Variants in FAT2 observed in about 807,000 individuals in gnomAD.
The protein encoded by FAT2 is FAT atypical cadherin 2.
Under a neutral mutation model 295.3 loss-of-function variants are expected in FAT2, and 150 were observed. The ratio of observed to expected loss-of-function variants is 0.51; its 90% CI spans 0.44 to 0.58. The LOEUF is 0.58. FAT2 is among the 20% of genes least tolerant of loss of function. FAT2 has a pLI of 0.00. For missense variants in FAT2, 4,868 were observed against 5,442.7 expected (o/e 0.89, Z 3.32); for synonymous variants, 2,026 against 2,150.3 (o/e 0.94, Z 1.60).
In FAT2 at chr5:151,505,783, G is replaced by C. The variant is rs756083474; in HGVS notation, c.12832C>G (p.His4278Asp). 1.2e-6 allele frequency: 2 copies of C among 1,613,950 alleles called. No individual in the cohort carries two copies. Among genetic ancestry groups the C allele is most frequent in the Admixed American group, 1.7e-5 (1 of 60,004 alleles). ...CCCCCTCCCTGCCGGAACTGCGAGT[G>C]GTAGTAGCTGATGGCCGTGTACTCA... is the stretch of plus-strand genomic sequence containing the variant. ...LNEYTAISYYHSQFRQGGGGP... is the reference protein window; with the variant it reads ...LNEYTAISYYDSQFRQGGGGP... Residue 4278 changes from histidine (H) to aspartate (D), a missense_variant, in exon 24 of 24, where the codon CAC becomes GAC. Physicochemically the swap from His to Asp is moderately conservative, Grantham distance 81 (BLOSUM62 -1). Transcript: ENST00000261800.
intron 18 of FAT2, among the ~76,000 whole-genome samples, 194 bp downstream of exon 18, chr5:151,525,574 C>G (rs1753898388): frequency 6.6e-6 from 1 of 152,242 alleles, no homozygotes; most frequent in Non-Finnish European, 1.5e-5. Context: ...GTTTCCTCAT[C>G]TGTAAAGCGG....
rs1756503700 is a variant in FAT2, at chr5:151,545,187, G to A, written c.5940C>T (p.Asn1980=). The change falls in exon 10 of 24, where the codon AAC becomes AAT. Residue 1980 remains asparagine (N), a synonymous_variant. Coordinates refer to ENST00000261800, the MANE Select transcript of FAT2 (RefSeq NM_001447.3). ...TCACCAGTGCCTTTCTGTCCTGCAA[G>A]TTCTCCTTCACAGCTGCCCAGTAGA... ...QDVYWAAVKE[N]LQDRKALVIL... 3 of 1,614,074 alleles carry A rather than the reference G, an allele frequency of 1.9e-6. No homozygotes were observed. Among genetic ancestry groups the A allele is most frequent in the Non-Finnish European group, 1.7e-6 (2 of 1,180,032 alleles).
At position 151,534,554 on chromosome 5, in the gene FAT2, C is replaced by CGATAGGT. The variant is rs1561838470; in HGVS notation, c.9281_9282insACCTATC (p.Cys3095ProfsTer16). Reference sequence around the variant, plus strand: ...CATGGAGGGTGATGTCTGCCTGGCACGATCGGCCACCTCCATCCGTCGCCT... The same window carrying CGATAGGT: ...CATGGAGGGTGATGTCTGCCTGGCACGATAGGTGATCGGCCACCTCCATCCGTCGCCT... On this transcript the variant is annotated frameshift_variant, in exon 13 of 24. Coordinates refer to ENST00000261800, the MANE Select transcript of FAT2 (RefSeq NM_001447.3). LOFTEE classifies it high-confidence loss of function. 6.2e-7 allele frequency: 1 copy of CGATAGGT among 1,614,088 alleles called. No individual in the cohort carries two copies.
chr5:151,518,348 C>CTAATAATAATAA (rs3056491), intron 19 of FAT2, among the ~76,000 whole-genome samples: 5,549 of 101,438 alleles, frequency 0.055, 347 homozygotes, highest in African/African-American at 0.15. Context: ...GACCATGTCT[C>CTAATAATAATAA]TAATAATAAT....
intron 22 of FAT2, 55 bp from the exon 23 acceptor site, chr5:151,507,666 C>G (rs1274144066): frequency 6.8e-6 from 10 of 1,479,466 alleles, no homozygotes. Flanking sequence ...TTTCCATGTC[C>G]CCTCTTACAG....
intron 2 of FAT2, among the ~76,000 whole-genome samples, chr5:151,564,307 C>T (rs1017554194): frequency 3.9e-5 from 6 of 152,224 alleles, no homozygotes; most frequent in Non-Finnish European, 7.3e-5. Flanking sequence ...ATAACAGAGA[C>T]GACCGCTGGG....
At position 151,531,622 on chromosome 5, in the gene FAT2, T is replaced by C. The variant is rs2127591105; in HGVS notation, c.9776A>G (p.Asn3259Ser). Reference protein sequence around the residue: ...EKTGYRVVSGNEQGRFRLDAR... With the variant: ...EKTGYRVVSGSEQGRFRLDAR... ...ATCCAGGCGGAACCTGCCTTGCTCG[T>C]TCCCGCTGACCACGCGGTAGCCGGT... The change falls in exon 14 of 24, where the codon AAC (asparagine) becomes AGC (serine). Residue 3259 changes from asparagine (N) to serine (S), a missense_variant. Asn to Ser is a conservative substitution (Grantham distance 46). Coordinates refer to ENST00000261800, the MANE Select transcript of FAT2 (RefSeq NM_001447.3). This position sits in a 1 kb window ranked among gnomAD's most constrained non-coding sequence, Gnocchi z 5.7. 2 of 1,613,196 alleles carry C rather than the reference T, an allele frequency of 1.2e-6. No individual in the cohort carries two copies. The highest frequency in any genetic ancestry group is 2.2e-5 in the South Asian group (2 of 91,032).
chr5:151,505,428 T>G lies in FAT2; in HGVS notation c.*137A>C, dbSNP rs1169799357. The G allele has an allele frequency of 1.9e-6, 2 of 1,057,730 alleles. No homozygotes were observed. Among genetic ancestry groups the G allele is most frequent in the East Asian group, 2.6e-5 (1 of 38,778 alleles). 65.5% of individuals were successfully genotyped at this position (1,057,730 alleles called of 1,614,324 possible). On this transcript the variant is annotated 3_prime_UTR_variant, in exon 24 of 24. Coordinates refer to ENST00000261800, the MANE Select transcript of FAT2 (RefSeq NM_001447.3). ...TAGGTGGGGGATTGGAAGAGCACATTTCAAGGGACAACAGCCTGGGCTGAG... is the reference window on the plus strand; with the variant it reads ...TAGGTGGGGGATTGGAAGAGCACATGTCAAGGGACAACAGCCTGGGCTGAG...
At chr5:151,526,035 G>A in intron 17 of FAT2, 70 bp from the exon 18 acceptor site, 2 of 1,472,612 alleles carry the variant, frequency 1.4e-6, no homozygotes, top group South Asian at 1.2e-5. Context: ...CACGTGTCTG[G>A]GTATGTCATC....
chr5:151,530,960 A>G (rs773515945), intron 14 of FAT2, among the ~76,000 whole-genome samples: 1 of 152,182 alleles, frequency 6.6e-6, no homozygotes, highest in Non-Finnish European at 1.5e-5. Flanking sequence ...TTGGGGAGGT[A>G]GAGAGCACCA....
rs1397460454 is a variant in FAT2, at chr5:151,531,276, G to A, written c.9811+311C>T. Among the ~76,000 whole-genome samples, 3 of 152,188 alleles carry A rather than the reference G, an allele frequency of 2.0e-5. No individual in the cohort carries two copies. Among genetic ancestry groups the A allele is most frequent in the Admixed American group, 2.0e-4 (3 of 15,288 alleles). On this transcript the variant is annotated intron_variant, in intron 14 of 23. Coordinates refer to ENST00000261800, the MANE Select transcript of FAT2 (RefSeq NM_001447.3). This position sits in a 1 kb window ranked among gnomAD's most constrained non-coding sequence, Gnocchi z 5.7. Reference sequence around the variant, plus strand: ...CAGCCAAGCCGTTTCTGCCTCCTGCGCTGGGCCTGAGCTGAGACCATGAAG... The same window carrying A: ...CAGCCAAGCCGTTTCTGCCTCCTGCACTGGGCCTGAGCTGAGACCATGAAG...
chr5:151,547,392 A>G (rs921992061), intron 9 of FAT2, among the ~76,000 whole-genome samples: 1 of 152,202 alleles, frequency 6.6e-6, no homozygotes, highest in African/African-American at 2.4e-5. Context: ...CATGCCCAAT[A>G]ATCTTTTAAT....
In FAT2 at chr5:151,521,485, A is replaced by G. The variant is rs75318164; in HGVS notation, c.11108T>C (p.Ile3703Thr). Reference sequence around the variant, plus strand: ...CTCCATCTCCTTGGCTGAGTGAGTGATGATGGATGCTAGCTCCTGAAACTC... The same window carrying G: ...CTCCATCTCCTTGGCTGAGTGAGTGGTGATGGATGCTAGCTCCTGAAACTC... ...FYEFQELASIITHSAKEMEHS... is the reference protein window; with the variant it reads ...FYEFQELASITTHSAKEMEHS... The change falls in exon 19 of 24, where the codon ATC (isoleucine) becomes ACC (threonine). Residue 3703 changes from isoleucine (I) to threonine (T), a missense_variant. Transcript: ENST00000261800. 6.2e-7 allele frequency: 1 copy of G among 1,614,238 alleles called. No individual in the cohort carries two copies. The highest frequency in any genetic ancestry group is 8.5e-7 in the Non-Finnish European group (1 of 1,180,042).
chr5:151,552,400 G>T (rs925181656), intron 6 of FAT2, among the ~76,000 whole-genome samples: 4 of 152,196 alleles, frequency 2.6e-5, no homozygotes, highest in African/African-American at 9.7e-5. Flanking sequence ...GAGGTTCAAA[G>T]AGCTTGGGTC....
In FAT2 at chr5:151,572,637, G is replaced by GA. The variant is rs376966631; in HGVS notation, c.-20-3687dup. ...ATTCATATTCATAGGGTTTTATGGAGACTACATAAGATCGTGCACGTTAAT... is the reference window on the plus strand; with the variant it reads ...ATTCATATTCATAGGGTTTTATGGAGAACTACATAAGATCGTGCACGTTAAT... On this transcript the variant is annotated intron_variant, in intron 1 of 23. Transcript: ENST00000261800. 2.8e-3 allele frequency among the ~76,000 whole-genome samples: 421 copies of GA among 152,270 alleles called. 3 individuals carry two copies. Among genetic ancestry groups the GA allele is most frequent in the African/African-American group, 9.7e-3 (404 of 41,548 alleles).
Position 151,543,275 on chromosome 5 carries a change from C to T in FAT2, c.7852G>A (p.Ala2618Thr), listed in dbSNP as rs754065818. The change falls in exon 10 of 24, where the codon GCA becomes ACA. Residue 2618 changes from alanine to threonine, a missense_variant. Coordinates refer to ENST00000261800, the MANE Select transcript of FAT2 (RefSeq NM_001447.3). ...LAYDADEGQN[A>T]DVTYSVNPED... Reference sequence around the variant, plus strand: ...GGGTTCACTGAGTAGGTGACATCTGCGTTCTGACCTTCATCTGCATCATAG... The same window carrying T: ...GGGTTCACTGAGTAGGTGACATCTGTGTTCTGACCTTCATCTGCATCATAG... 2.7e-5 allele frequency: 44 copies of T among 1,614,060 alleles called. No homozygotes were observed. The highest frequency in any genetic ancestry group is 3.6e-5 in the Non-Finnish European group (43 of 1,180,042).
rs1402404470 is a variant in FAT2 at position 151,567,813 on chromosome 5, C to T, written c.1119G>A (p.Glu373=). The part of the protein sequence containing the change: ...EKAVYRVQLS[E]FSPPGSRVVM... ...CCACGCGGCTGCCAGGAGGGGAAAA[C>T]TCACTAAGCTGCACTCTGTAAACAG... Residue 373 remains glutamate (E), a synonymous_variant, in exon 2 of 24, where the codon GAG becomes GAA. Coordinates refer to ENST00000261800, the MANE Select transcript of FAT2 (RefSeq NM_001447.3). The T allele has an allele frequency of 6.2e-7, 1 of 1,614,056 alleles. No individual in the cohort carries two copies.
At chr5:151,538,491 C>T (rs1330382545) in intron 11 of FAT2, among the ~76,000 whole-genome samples, 1 of 152,150 alleles carries the variant, frequency 6.6e-6, no homozygotes, top group Non-Finnish European at 1.5e-5. Flanking sequence ...GCCCACCCTC[C>T]CTTTGCTGCA....
chr5:151,566,130 A>T lies in FAT2; in HGVS notation c.2802T>A (p.Val934=). Residue 934 remains valine, a synonymous_variant, in exon 2 of 24, where the codon GTT becomes GTA. Coordinates refer to ENST00000261800, the MANE Select transcript of FAT2 (RefSeq NM_001447.3). ...CAGTCCCGGGGGGCAGGTCCTCTGG[A>T]ACCTTCAGCCTGTTGTGTTCTGTGA... ...QCITEHNRLK[V]PEDLPPGTVL... The T allele has an allele frequency of 6.2e-7, 1 of 1,614,070 alleles. No individual in the cohort carries two copies. The highest frequency in any genetic ancestry group is 8.5e-7 in the Non-Finnish European group (1 of 1,180,014).
Sources: allele counts gnomAD v4.1 joint callset (sites outside exome capture counted in the v4.1 genomes callset), GRCh38; gene constraint gnomAD v4.1.1; non-coding constraint Gnocchi (gnomAD v3.1); transcripts MANE v1.5; gene names NCBI Gene and HGNC (gene_info 2026-07-23, HGNC 2026-07-21).